NRXN3: variants seen among roughly 807,000 people sequenced by gnomAD.
NRXN3 encodes neurexin III.
A neutral mutation model predicts 137.6 loss-of-function variants in NRXN3; 32 were observed. The observed-to-expected ratio is 0.23, with a 90% CI of 0.18 to 0.31. The LOEUF is 0.31. NRXN3 is among the 10% of genes least tolerant of loss of function. The probability of loss-of-function intolerance (pLI) is 1.00; values close to 1 mark genes in which losing one functional copy is unlikely to be tolerated. For synonymous variants in NRXN3, 798 were observed against 784.5 expected (o/e 1.02, Z -0.29); for missense variants, 1,574 against 2,062.5 (o/e 0.76, Z 4.59).
chr14:78,495,799 C>G (rs1267477775), intron 4 of NRXN3, among the ~76,000 whole-genome samples: 2 of 152,178 alleles, frequency 1.3e-5, no homozygotes, highest in Non-Finnish European at 2.9e-5. Context: ...GATCTCTGAC[C>G]AGCACCAGGG....
chr14:79,769,965 G>A (rs1292846689), intron 19 of NRXN3, among the ~76,000 whole-genome samples: 1 of 152,016 alleles, frequency 6.6e-6, no homozygotes, highest in African/African-American at 2.4e-5. Context: ...AAAGGCAAGG[G>A]TTGCAATCCT....
intron 10 of NRXN3, among the ~76,000 whole-genome samples, chr14:78,939,035 C>T (rs1271993917): frequency 4.0e-5 from 6 of 151,702 alleles, no homozygotes; most frequent in Non-Finnish European, 7.4e-5. Flanking sequence ...TTAGTAGAGA[C>T]GGGGTTTCAC....
chr14:78,646,469 A>G (rs975236193), intron 5 of NRXN3, among the ~76,000 whole-genome samples: 3 of 152,206 alleles, frequency 2.0e-5, no homozygotes, highest in African/African-American at 7.2e-5. Context: ...AGTGCTTACC[A>G]AATTTTCTTC....
At chr14:78,760,289 G>T (rs554568731) in intron 8 of NRXN3, among the ~76,000 whole-genome samples, 1 of 150,682 alleles carries the variant, frequency 6.6e-6, no homozygotes, top group South Asian at 2.1e-4. Context: ...TGATCCGCCC[G>T]CCTCGGCCTC....
rs577211160 is a variant in NRXN3 at position 79,429,553 on chromosome 14, A to G, written c.3263-37668A>G. On this transcript the variant is annotated intron_variant, in intron 15 of 20. Coordinates refer to ENST00000335750, the MANE Select transcript of NRXN3 (RefSeq NM_001330195.2). ...CCTGGCACATAATATAATTTCATAA[A>G]GTGTAACTCTTGTTATTAAACTGGA... 2.0e-5 allele frequency among the ~76,000 whole-genome samples: 3 copies of G among 152,344 alleles called. No homozygotes were observed. The South Asian group carries it at 6.2e-4, about 32-fold the overall frequency.
At chr14:78,871,688 C>G (rs1379011597) in intron 10 of NRXN3, among the ~76,000 whole-genome samples, 1 of 152,134 alleles carries the variant, frequency 6.6e-6, no homozygotes, top group African/African-American at 2.4e-5. Context: ...CCAATCTCCT[C>G]TCCATTAGAA....
intron 10 of NRXN3, among the ~76,000 whole-genome samples, chr14:78,887,496 G>T (rs370142856): frequency 6.6e-6 from 1 of 152,010 alleles, no homozygotes; most frequent in East Asian, 1.9e-4. Flanking sequence ...AATGTTTGGT[G>T]AGGCTGGACT....
In NRXN3 at chr14:79,861,342, A is replaced by G. The variant is rs2099413558; in HGVS notation, c.4094A>G (p.Asp1365Gly). ...TACACCACCTTCTCCTTGGTAACAG[A>G]TAAGAGTCTTTCCACTTCAATCTTC... ...EDFVECEPST[D>G]KSLSTSIFEG... is the part of the protein sequence containing the mutation. The change falls in exon 21 of 21, where the codon GAT becomes GGT. Residue 1365 changes from aspartate (D) to glycine (G), a missense_variant and splice_region_variant. Physicochemically the swap from Asp to Gly is moderately conservative, Grantham distance 94. This residue lies in a region of NRXN3 where 320 missense variants were observed against 387.1 expected (regional missense o/e 0.83). Transcript: ENST00000335750. The surrounding 1 kb of genome is among the most constrained non-coding windows in gnomAD (Gnocchi z 5.4). 5 of 1,535,992 alleles carry G rather than the reference A, an allele frequency of 3.3e-6. No individual in the cohort carries two copies. The highest frequency in any genetic ancestry group is 3.5e-6 in the Non-Finnish European group (4 of 1,146,912).
intron 15 of NRXN3, among the ~76,000 whole-genome samples, chr14:79,193,548 C>T (rs754091385): frequency 3.9e-5 from 6 of 152,150 alleles, no homozygotes; most frequent in Admixed American, 2.6e-4. Context: ...ATTTTGCAAA[C>T]CTTAACCGAT....
At chr14:78,216,601 T>A (rs1353757901) in intron 1 of NRXN3, among the ~76,000 whole-genome samples, 1 of 152,202 alleles carries the variant, frequency 6.6e-6, no homozygotes, top group Non-Finnish European at 1.5e-5. Flanking sequence ...GGTAGGAGAA[T>A]GAAGACCTCC....
intron 15 of NRXN3, among the ~76,000 whole-genome samples, chr14:79,353,359 A>G (rs1243264481): frequency 6.6e-6 from 1 of 152,068 alleles, no homozygotes; most frequent in Admixed American, 6.6e-5. Flanking sequence ...TATAATGAGT[A>G]TGTATTAAGG....
At chr14:79,219,045 A>G (rs1352444028) in intron 15 of NRXN3, among the ~76,000 whole-genome samples, 1 of 152,088 alleles carries the variant, frequency 6.6e-6, no homozygotes, top group Non-Finnish European at 1.5e-5. Flanking sequence ...TTTGCTGTGA[A>G]CCCAAAACTG....
At chr14:78,731,561 A>G (rs1239598053) in intron 8 of NRXN3, among the ~76,000 whole-genome samples, 1 of 151,706 alleles carries the variant, frequency 6.6e-6, no homozygotes, top group Non-Finnish European at 1.5e-5. Flanking sequence ...TATTATTAAC[A>G]TATCTGTATG....
At chr14:78,634,966 T>C (rs2097555254) in intron 4 of NRXN3, among the ~76,000 whole-genome samples, 1 of 152,182 alleles carries the variant, frequency 6.6e-6, no homozygotes, top group Non-Finnish European at 1.5e-5. Flanking sequence ...TAATACCTTA[T>C]ACTTCCCTGT....
intron 4 of NRXN3, among the ~76,000 whole-genome samples, chr14:78,402,378 T>C (rs2092149252): frequency 6.6e-6 from 1 of 152,242 alleles, no homozygotes. Flanking sequence ...GGTCTTTTAT[T>C]GAATATATAA....
intron 17 of NRXN3, among the ~76,000 whole-genome samples, chr14:79,668,120 G>A (rs2098578449): frequency 1.3e-5 from 2 of 151,980 alleles, no homozygotes; most frequent in Non-Finnish European, 1.5e-5. Flanking sequence ...AATGCACACG[G>A]ATGACCTACA....
At chr14:79,225,248 GGT>G (rs1228414082) in intron 15 of NRXN3, among the ~76,000 whole-genome samples, 1 of 152,136 alleles carries the variant, frequency 6.6e-6, no homozygotes, top group Non-Finnish European at 1.5e-5. Flanking sequence ...AGGTTGGACA[GGT>G]TCTGTTTGAA....
intron 15 of NRXN3, among the ~76,000 whole-genome samples, chr14:79,253,169 G>A (rs2076154554): frequency 6.6e-6 from 1 of 152,180 alleles, no homozygotes; most frequent in Non-Finnish European, 1.5e-5. Context: ...GTGTTTTGGG[G>A]AAGAGATTGT....
intron 15 of NRXN3, among the ~76,000 whole-genome samples, chr14:79,005,992 C>T (rs1260121118): frequency 6.6e-6 from 1 of 152,032 alleles, no homozygotes; most frequent in Non-Finnish European, 1.5e-5. Flanking sequence ...TACAATGCCT[C>T]GTTTATTTTT....
Sources: allele counts gnomAD v4.1 joint callset (sites outside exome capture counted in the v4.1 genomes callset), GRCh38; gene constraint gnomAD v4.1.1; regional missense constraint gnomAD v4.1.1; non-coding constraint Gnocchi (gnomAD v3.1); transcripts MANE v1.5; gene names NCBI Gene and HGNC (gene_info 2026-07-23, HGNC 2026-07-21).